MCF2L: variants seen among roughly 807,000 people sequenced by gnomAD.
MCF2L encodes MCF.2 cell line derived transforming sequence like.
In MCF2L, 97 loss-of-function variants were observed where a neutral mutation model predicts 153.4. The observed-to-expected ratio is 0.63, with a 90% confidence interval of 0.54 to 0.75. The LOEUF (loss-of-function observed/expected upper bound fraction) is 0.75. MCF2L is among the 30% of genes least tolerant of loss of function. The probability of loss-of-function intolerance (pLI) is 0.00; values close to 1 mark genes in which losing one functional copy is unlikely to be tolerated. For synonymous variants in MCF2L, 659 were observed against 632.2 expected (o/e 1.04, Z -0.64); for missense variants, 1,347 against 1,495.2 (o/e 0.90, Z 1.64).
At chr13:112,962,976 C>T (rs1245114999) in intron 2 of MCF2L, among the ~76,000 whole-genome samples, 1 of 152,232 alleles carries the variant, frequency 6.6e-6, no homozygotes, top group African/African-American at 2.4e-5. Flanking sequence ...CTTCCCCTCT[C>T]TGAGCAGCTA....
At chr13:112,900,628 T>C in intron 1 of MCF2L, among the ~76,000 whole-genome samples, 1 of 151,640 alleles carries the variant, frequency 6.6e-6, no homozygotes, top group East Asian at 1.9e-4. Flanking sequence ...AGCTTGTGTG[T>C]TGGGGGAAGA....
chr13:113,056,625 T>TAAAC (rs1430909828), intron 4 of MCF2L, among the ~76,000 whole-genome samples: 1 of 145,438 alleles, frequency 6.9e-6, no homozygotes, highest in East Asian at 2.1e-4. Flanking sequence ...GAGTGCTGAG[T>TAAAC]GTTTGGGTGC....
chr13:112,970,864 G>T (rs185073111), intron 1 of MCF2L, among the ~76,000 whole-genome samples: 1 of 152,128 alleles, frequency 6.6e-6, no homozygotes, highest in Non-Finnish European at 1.5e-5. Flanking sequence ...CCGGGCGCTC[G>T]GTGTGGGCCA....
chr13:112,937,353 G>A (rs2081525479), intron 2 of MCF2L, among the ~76,000 whole-genome samples: 2 of 152,090 alleles, frequency 1.3e-5, no homozygotes, highest in South Asian at 4.1e-4. Flanking sequence ...TTAAACTCCA[G>A]GTTTGAAATT....
intron 2 of MCF2L, among the ~76,000 whole-genome samples, chr13:112,961,090 GCCTCCACGTTGCATCTGCTA>G (rs2081819771): frequency 4.7e-5 from 1 of 21,446 alleles, no homozygotes; most frequent in Non-Finnish European, 1.0e-4. Flanking sequence ...AGTCTGCTAT[GCCTCCACGTTGCATCTGCTA>G]TGCCTCCACG....
rs1372317823 is a variant in MCF2L, at chr13:113,097,642, C to A, written c.*783C>A. Reference sequence around the variant, plus strand: ...AAGAAAATTTAAACTATAATTTAAACAATTAACGTTCTTTTCTACAAAAAA... The same window carrying A: ...AAGAAAATTTAAACTATAATTTAAAAAATTAACGTTCTTTTCTACAAAAAA... On this transcript the variant is annotated 3_prime_UTR_variant, in exon 30 of 30. Coordinates refer to ENST00000535094, the MANE Select transcript of MCF2L (RefSeq NM_001112732.3). The A allele has an allele frequency of 6.7e-6, 1 of 148,246 alleles. No homozygotes were observed. The highest frequency in any genetic ancestry group is 2.6e-5 in the African/African-American group (1 of 38,836). 9.2% of individuals were successfully genotyped at this position (148,246 alleles called of 1,614,324 possible).
chr13:112,986,380 G>T (rs561052545), intron 1 of MCF2L, among the ~76,000 whole-genome samples: 1 of 152,214 alleles, frequency 6.6e-6, no homozygotes, highest in Non-Finnish European at 1.5e-5. Flanking sequence ...AGAGAAATGC[G>T]CATCACAGGG....
intron 2 of MCF2L, among the ~76,000 whole-genome samples, chr13:112,927,360 G>A (rs944783596): frequency 3.3e-5 from 5 of 152,174 alleles, no homozygotes; most frequent in African/African-American, 4.8e-5. Context: ...GTCTTTTATC[G>A]TAAAATACAT....
intron 3 of MCF2L, among the ~76,000 whole-genome samples, chr13:113,026,133 T>C (rs1198559831): frequency 1.7e-5 from 2 of 115,172 alleles, no homozygotes; most frequent in Non-Finnish European, 3.8e-5. Flanking sequence ...GGGGTCCCCG[T>C]GACTGTGGGT....
intron 1 of MCF2L, among the ~76,000 whole-genome samples, chr13:112,976,412 G>A (rs925452660): frequency 6.6e-6 from 1 of 152,188 alleles, no homozygotes; most frequent in Non-Finnish European, 1.5e-5. Flanking sequence ...CTTCGTTTCT[G>A]TAAGAATGCC....
rs532566503 is a variant in MCF2L at position 113,038,477 on chromosome 13, A to G, written c.279-6794A>G. Among the ~76,000 whole-genome samples the G allele has an allele frequency of 2.5e-3, 386 of 152,204 alleles. 2 individuals are homozygous for G. The Middle Eastern group carries it at 0.027, about 11-fold the overall frequency. On this transcript the variant is annotated intron_variant, in intron 3 of 29. Transcript: ENST00000535094. ...GAGCCTCCATCTCAAAAAAAAAAAA[A>G]AAAAGAAAGAAATTAAAGTAGCATG...
At chr13:113,044,183 A>G (rs2086664657) in intron 3 of MCF2L, 2 of 220,520 alleles carry the variant, frequency 9.1e-6, no homozygotes, top group Admixed American at 1.0e-4. Context: ...GTACTCACCC[A>G]GAAGGTTTCT....
intron 1 of MCF2L, chr13:112,979,661 C>T (rs751698058): frequency 2.9e-5 from 46 of 1,612,840 alleles, no homozygotes; most frequent in Non-Finnish European, 3.5e-5. Context: ...TGTGACAGGG[C>T]GGTTCGATGG....
intron 2 of MCF2L, among the ~76,000 whole-genome samples, chr13:112,915,095 G>T: frequency 6.6e-6 from 1 of 151,912 alleles, no homozygotes; most frequent in East Asian, 1.9e-4. Context: ...CTGACCTGGG[G>T]ATCCTAACAT....
At position 113,025,874 on chromosome 13, in the gene MCF2L, C is replaced by T. The variant is rs140065080; in HGVS notation, c.278+1116C>T. ...TGGTGGGGTCCCCGTGACTGTGGGT[C>T]GGGGCAGAGTCCCTGTGAGGTTTCC... On this transcript the variant is annotated intron_variant, in intron 3 of 29. Transcript: ENST00000535094. 6.9e-4 allele frequency among the ~76,000 whole-genome samples: 68 copies of T among 98,538 alleles called. 1 individual carries two copies. The highest frequency in any genetic ancestry group is 7.6e-3 in the Middle Eastern group (1 of 132). The allele number at this position is 98,538 out of a possible 152,430, so 64.6% of individuals were successfully genotyped here.
upstream of MCF2L, chr13:112,967,462 A>G (rs762336491): frequency 6.6e-6 from 1 of 152,234 alleles, no homozygotes; most frequent in Non-Finnish European, 1.5e-5. Context: ...CTCATGTTAA[A>G]CAAAAACAAA....
intron 2 of MCF2L, among the ~76,000 whole-genome samples, chr13:112,918,698 G>C (rs1022523398): frequency 6.6e-6 from 1 of 152,220 alleles, no homozygotes; most frequent in African/African-American, 2.4e-5. Context: ...TCTCCTGGGA[G>C]GTGCTGTGGA....
intron 1 of MCF2L, among the ~76,000 whole-genome samples, chr13:113,000,570 CATGGCTG>C (rs1033385743): frequency 1.3e-5 from 2 of 152,234 alleles, no homozygotes; most frequent in Non-Finnish European, 2.9e-5. Context: ...GAAAAGCCTC[CATGGCTG>C]ATGTTCCCAG....
chr13:113,077,003 G>A (rs745458632), intron 12 of MCF2L, 49 bp from the exon 13 acceptor site: 2 of 1,566,412 alleles, frequency 1.3e-6, no homozygotes, highest in Admixed American at 1.8e-5. Context: ...TGTATTTTTA[G>A]TGATGACACC....
Sources: gnomAD v4.1 joint callset for allele counts (sites outside exome capture counted in the v4.1 genomes callset) on GRCh38, gnomAD v4.1.1 for gene constraint, MANE v1.5 for transcripts, NCBI Gene and HGNC (gene_info 2026-07-23, HGNC 2026-07-21) for gene names.